ABCC9: variants seen among roughly 807,000 people sequenced by gnomAD.
The protein encoded by ABCC9 is ATP-binding cassette sub-family C member 9.
Under a neutral mutation model 188.3 loss-of-function variants are expected in ABCC9, and 95 were observed. The ratio of observed to expected loss-of-function variants is 0.50; its 90% CI spans 0.43 to 0.60. ABCC9 has a LOEUF of 0.60. Among genes scored for constraint, ABCC9 ranks in the 20% least tolerant of loss-of-function variants. The pLI is 0.00. For missense variants in ABCC9, 1,102 were observed against 1,876.3 expected (o/e 0.59, Z 7.62); for synonymous variants, 659 against 652.7 (o/e 1.01, Z -0.15).
At chr12:21,850,794 G>T (rs926721243) in intron 24 of ABCC9, among the ~76,000 whole-genome samples, 2 of 152,184 alleles carry the variant, frequency 1.3e-5, no homozygotes, top group African/African-American at 4.8e-5. Context: ...TCCCCGGTAC[G>T]TTTAGAATCA....
chr12:21,842,934 T>G (rs774195496), intron 28 of ABCC9, among the ~76,000 whole-genome samples: 2 of 152,196 alleles, frequency 1.3e-5, no homozygotes, highest in Non-Finnish European at 2.9e-5. Flanking sequence ...TTTTCCTTAT[T>G]GATTTTTAGA....
At chr12:21,844,732 T>C in intron 27 of ABCC9, 35 bp downstream of exon 27, 1 of 1,611,430 alleles carries the variant, frequency 6.2e-7, no homozygotes, top group Non-Finnish European at 8.5e-7. Context: ...TTTTATTATT[T>C]TATGTGTGGG....
Position 21,817,221 on chromosome 12 carries a change from C to G in ABCC9, c.3858G>C (p.Leu1286=). The change falls in exon 33 of 40, where the codon CTG becomes CTC. Residue 1286 remains leucine (L), a synonymous_variant. Transcript: ENST00000261200. ...CTTCATAGTTCTCTGACTCCATAGT[C>G]AGGAAACTGTTCACCTTCTTCACTG... ...MGAVKKVNSF[L]TMESENYEGT... is the part of the protein sequence containing the mutation. The G allele has an allele frequency of 6.2e-7, 1 of 1,613,802 alleles. No homozygotes were observed. Among genetic ancestry groups the G allele is most frequent in the Non-Finnish European group, 8.5e-7 (1 of 1,179,830 alleles).
chr12:21,936,624 A>G lies in ABCC9; in HGVS notation c.51T>C (p.Asp17=), dbSNP rs1385341620. ...CAAAGCAGGAATTTTGTAGTACACC[A>G]TCGTTGATATTATATGAAGAAATGT... The part of the protein sequence containing the change: ...GNNISSYNIN[D]GVLQNSCFVD... The change falls in exon 3 of 40, where the codon GAT becomes GAC. Residue 17 remains aspartate, a synonymous_variant. Transcript: ENST00000261200. 1.9e-6 allele frequency: 3 copies of G among 1,611,230 alleles called. No homozygotes were observed. Among genetic ancestry groups the G allele is most frequent in the Admixed American group, 1.7e-5 (1 of 59,978 alleles).
intron 30 of ABCC9, among the ~76,000 whole-genome samples, chr12:21,835,663 G>A (rs768038773): frequency 4.6e-5 from 7 of 152,038 alleles, no homozygotes; most frequent in Non-Finnish European, 7.4e-5. Context: ...CTACTTTTTC[G>A]TTAAGTGCTG....
At chr12:21,820,154 A>AT (rs2137211407) in intron 31 of ABCC9, among the ~76,000 whole-genome samples, 1 of 152,042 alleles carries the variant, frequency 6.6e-6, no homozygotes, top group Non-Finnish European at 1.5e-5. Flanking sequence ...TTTCCATATT[A>AT]TTTTTTCTAA....
At chr12:21,802,045 T>C (rs540476854) in intron 39 of ABCC9, among the ~76,000 whole-genome samples, 9 of 152,346 alleles carry the variant, frequency 5.9e-5, no homozygotes, top group South Asian at 2.1e-4. Flanking sequence ...TAGAGGAGCA[T>C]TCACCTGCCA....
At chr12:21,839,786 G>T (rs184268895) in intron 29 of ABCC9, among the ~76,000 whole-genome samples, 1 of 152,256 alleles carries the variant, frequency 6.6e-6, no homozygotes, top group East Asian at 1.9e-4. Context: ...ATTCCTGGCT[G>T]CCAGTGTAGT....
At chr12:21,893,686 T>C (rs1013515472) in intron 14 of ABCC9, among the ~76,000 whole-genome samples, 18 of 152,132 alleles carry the variant, frequency 1.2e-4, no homozygotes, top group Non-Finnish European at 2.5e-4. Flanking sequence ...AGAAACATTC[T>C]AAATGTTCAA....
At chr12:21,880,817 A>G (rs1387094381) in intron 16 of ABCC9, among the ~76,000 whole-genome samples, 1 of 152,102 alleles carries the variant, frequency 6.6e-6, no homozygotes, top group Non-Finnish European at 1.5e-5. Flanking sequence ...GCCATTATCT[A>G]GGAAGGTTGA....
chr12:21,813,498 AAG>A (rs1942398388), intron 35 of ABCC9, among the ~76,000 whole-genome samples: 1 of 152,206 alleles, frequency 6.6e-6, no homozygotes, highest in African/African-American at 2.4e-5. Flanking sequence ...GGCTATTAAA[AAG>A]AGAATAAATC....
intron 16 of ABCC9, among the ~76,000 whole-genome samples, 173 bp from the exon 17 acceptor site, chr12:21,875,899 A>C (rs529242717): frequency 1.3e-5 from 2 of 152,220 alleles, no homozygotes; most frequent in South Asian, 4.1e-4. Flanking sequence ...CCTGGCTAAC[A>C]CGGTGAAACC....
intron 25 of ABCC9, among the ~76,000 whole-genome samples, chr12:21,846,876 A>T (rs769122800): frequency 6.6e-6 from 1 of 152,072 alleles, no homozygotes; most frequent in Non-Finnish European, 1.5e-5. Flanking sequence ...CATTCCTAGT[A>T]CTTAATCTTT....
chr12:21,841,380 A>C (rs1944386800), intron 29 of ABCC9, among the ~76,000 whole-genome samples: 1 of 102,676 alleles, frequency 9.7e-6, no homozygotes, highest in African/African-American at 3.9e-5. Flanking sequence ...TTTTTTTGAG[A>C]CAGAGTCTCA....
At chr12:21,824,327 C>T (rs1054847278) in intron 31 of ABCC9, among the ~76,000 whole-genome samples, 3 of 152,072 alleles carry the variant, frequency 2.0e-5, no homozygotes, top group African/African-American at 7.2e-5. Context: ...AGCTTTGCAT[C>T]CCAGGGATGA....
At chr12:21,853,955 C>G (rs915877883) in intron 22 of ABCC9, among the ~76,000 whole-genome samples, 20 of 152,132 alleles carry the variant, frequency 1.3e-4, no homozygotes, top group Non-Finnish European at 2.9e-4. Context: ...TCTTCATTAC[C>G]CTTCTTTCTT....
intron 30 of ABCC9, among the ~76,000 whole-genome samples, chr12:21,829,408 A>C (rs374518217): frequency 1.3e-5 from 2 of 151,862 alleles, no homozygotes; most frequent in Non-Finnish European, 2.9e-5. Context: ...TCACCGTGTT[A>C]GCCAGGATGG....
intron 5 of ABCC9, among the ~76,000 whole-genome samples, chr12:21,919,406 C>CA (rs1948721612): frequency 6.6e-6 from 1 of 151,632 alleles, no homozygotes; most frequent in African/African-American, 2.4e-5. Context: ...AACATTATGA[C>CA]AATATATCCA....
Position 21,936,620 on chromosome 12 carries a change from C to T in ABCC9, c.55G>A (p.Val19Ile), listed in dbSNP as rs2138078291. The T allele has an allele frequency of 2.5e-6, 4 of 1,611,052 alleles. No homozygotes were observed. Among genetic ancestry groups the T allele is most frequent in the Non-Finnish European group, 3.4e-6 (4 of 1,177,476 alleles). Residue 19 changes from valine (V) to isoleucine (I), a missense_variant, in exon 3 of 40, where the codon GTA becomes ATA. Val to Ile is a conservative substitution (Grantham distance 29). Around this residue, in one of 12 missense-constraint regions of ABCC9, gnomAD observed 305 missense variants for 573.0 expected, o/e 0.53. Transcript: ENST00000261200. ...NISSYNINDG[V>I]LQNSCFVDAL... ...TCCACAAAGCAGGAATTTTGTAGTACACCATCGTTGATATTATATGAAGAA... is the reference window on the plus strand; with the variant it reads ...TCCACAAAGCAGGAATTTTGTAGTATACCATCGTTGATATTATATGAAGAA...
Sources: gnomAD v4.1 joint callset for allele counts (sites outside exome capture counted in the v4.1 genomes callset) on GRCh38, gnomAD v4.1.1 for gene constraint, gnomAD v4.1.1 regional missense constraint, MANE v1.5 for transcripts, NCBI Gene and HGNC (gene_info 2026-07-23, HGNC 2026-07-21) for gene names.